The following ERC2 variants were observed in gnomAD, a reference collection of about 807,000 sequenced individuals.
ERC2 encodes the protein ERC protein 2.
Under a neutral mutation model 114.8 loss-of-function variants are expected in ERC2, and 42 were observed. The ratio of observed to expected loss-of-function variants is 0.37; its 90% confidence interval spans 0.29 to 0.47. The LOEUF is 0.47. Among genes scored for constraint, ERC2 ranks in the 20% least tolerant of loss-of-function variants. ERC2 has a pLI of 0.99. For synonymous variants in ERC2, 454 were observed against 425.5 expected (o/e 1.07, Z -0.82); for missense variants, 939 against 1,150.7 (o/e 0.82, Z 2.66).
At chr3:56,191,281 A>C (rs1037457654) in intron 3 of ERC2, among the ~76,000 whole-genome samples, 21 of 152,088 alleles carry the variant, frequency 1.4e-4, no homozygotes, top group African/African-American at 4.8e-4. Flanking sequence ...TCAGTGTTGG[A>C]GCAAGAGGTA....
chr3:56,255,640 C>T (rs1306512719), intron 3 of ERC2, among the ~76,000 whole-genome samples: 2 of 152,212 alleles, frequency 1.3e-5, no homozygotes, highest in Admixed American at 6.5e-5. Context: ...TTTCCTTCTT[C>T]CCTCACCTGG....
intron 2 of ERC2, among the ~76,000 whole-genome samples, chr3:56,400,107 A>G (rs1331004038): frequency 2.0e-5 from 3 of 152,136 alleles, no homozygotes; most frequent in Non-Finnish European, 4.4e-5. Flanking sequence ...AATATTGCTA[A>G]TTTTCCAGGG....
intron 17 of ERC2, among the ~76,000 whole-genome samples, chr3:55,672,384 C>T (rs1158006472): frequency 1.3e-5 from 2 of 151,396 alleles, no homozygotes; most frequent in Admixed American, 6.6e-5. Context: ...ACCATCAGTG[C>T]ACTGAGGAAC....
rs201714845 is a variant in ERC2 at position 56,155,363 on chromosome 3, G to GAA, written c.1150-6233_1150-6232dup. Among the ~76,000 whole-genome samples, 40 of 75,022 alleles carry GAA rather than the reference G, an allele frequency of 5.3e-4. No homozygotes were observed. The East Asian group carries it at 9.2e-3, about 17-fold the overall frequency. 49.2% of individuals were successfully genotyped at this position (75,022 alleles called of 152,430 possible). A position where few individuals can be genotyped will look rare whatever the true frequency, so the allele number is the denominator to read the frequency against. On this transcript the variant is annotated intron_variant, in intron 4 of 17. Coordinates refer to ENST00000288221, the MANE Select transcript of ERC2 (RefSeq NM_015576.3). ...CTCTTATTTTCTGAGTAAGGAAAAT[G>GAA]AAAAAAAAAAAAAAAAGAAAATAAC...
chr3:55,655,050 C>T (rs1266349842), intron 17 of ERC2, among the ~76,000 whole-genome samples: 1 of 152,108 alleles, frequency 6.6e-6, no homozygotes, highest in Non-Finnish European at 1.5e-5. Context: ...GTATTGATGC[C>T]CCTTGGAGCA....
chr3:55,990,342 T>A (rs1225136425), intron 11 of ERC2, among the ~76,000 whole-genome samples: 1 of 152,242 alleles, frequency 6.6e-6, no homozygotes, highest in East Asian at 1.9e-4. Context: ...ATTAATTGAT[T>A]TGGAATTTGA....
At chr3:56,336,160 G>A (rs936375403) in intron 2 of ERC2, among the ~76,000 whole-genome samples, 6 of 152,138 alleles carry the variant, frequency 3.9e-5, no homozygotes, top group African/African-American at 1.4e-4. Flanking sequence ...CAGTGAACCT[G>A]GATTTGAATA....
chr3:55,621,452 T>C (rs1050466078), intron 17 of ERC2, among the ~76,000 whole-genome samples: 1 of 152,182 alleles, frequency 6.6e-6, no homozygotes, highest in Non-Finnish European at 1.5e-5. Flanking sequence ...CTTCTCCTTT[T>C]CCTTTGTGAA....
In ERC2 at chr3:56,170,850, C is replaced by T. The variant is rs990640097; in HGVS notation, c.1149+2596G>A. Among the ~76,000 whole-genome samples, 5 of 149,746 alleles carry T rather than the reference C, an allele frequency of 3.3e-5. No individual in the cohort carries two copies. In the South Asian group the frequency reaches 8.6e-4, roughly 26 times the overall value. ...CACGATCTCGACTCACTGCAAGCTC[C>T]GCCTCCTGGGTTCACCCCATTGTCC... On this transcript the variant is annotated intron_variant, in intron 4 of 17. Coordinates refer to ENST00000288221, the MANE Select transcript of ERC2 (RefSeq NM_015576.3).
chr3:55,612,204 G>C (rs904352889), intron 17 of ERC2, among the ~76,000 whole-genome samples: 1 of 150,536 alleles, frequency 6.6e-6, no homozygotes, highest in Admixed American at 6.6e-5. Context: ...CCTCCTGATC[G>C]AGTCTACACA....
chr3:55,949,226 G>A (rs374281834), intron 13 of ERC2, among the ~76,000 whole-genome samples: 189 of 152,074 alleles, frequency 1.2e-3, no homozygotes, highest in African/African-American at 3.8e-3. Flanking sequence ...AAAAAATAGC[G>A]GGGCATGGTG....
At chr3:56,208,181 G>C (rs1175612122) in intron 3 of ERC2, among the ~76,000 whole-genome samples, 2 of 152,106 alleles carry the variant, frequency 1.3e-5, no homozygotes, top group Non-Finnish European at 2.9e-5. Flanking sequence ...CATAAGCTTG[G>C]GCAGGGTAGA....
chr3:55,545,589 G>A lies in ERC2; in HGVS notation c.*40-34313C>T, dbSNP rs556674571. On this transcript the variant is annotated intron_variant, in intron 17 of 17. Transcript: ENST00000288221. Reference sequence around the variant, plus strand: ...TCAGTGGGACTCTTAGGGGTAATCTGCTTCCATTGGAGACACTCCAAGAAG... The same window carrying A: ...TCAGTGGGACTCTTAGGGGTAATCTACTTCCATTGGAGACACTCCAAGAAG... Among the ~76,000 whole-genome samples the A allele has an allele frequency of 2.6e-5, 4 of 152,330 alleles. No homozygotes were observed. The East Asian group carries it at 5.8e-4, about 22-fold the overall frequency.
At chr3:56,465,420 A>C (rs927274007) in intron 1 of ERC2, among the ~76,000 whole-genome samples, 1 of 152,210 alleles carries the variant, frequency 6.6e-6, no homozygotes, top group Non-Finnish European at 1.5e-5. Context: ...AAAATAAAAT[A>C]AAACAAGACG....
intron 14 of ERC2, among the ~76,000 whole-genome samples, chr3:55,813,751 G>A (rs531510282): frequency 1.3e-5 from 2 of 152,240 alleles, no homozygotes; most frequent in African/African-American, 4.8e-5. Flanking sequence ...AAAATAAAAG[G>A]CTTGCCACAA....
intron 12 of ERC2, among the ~76,000 whole-genome samples, chr3:55,980,414 T>C (rs1426095358): frequency 6.6e-6 from 1 of 152,170 alleles, no homozygotes; most frequent in East Asian, 1.9e-4. Flanking sequence ...CTACACAGTG[T>C]GGAAATTCCA....
At chr3:55,786,073 G>C (rs951613790) in intron 14 of ERC2, among the ~76,000 whole-genome samples, 1 of 151,636 alleles carries the variant, frequency 6.6e-6, no homozygotes, top group East Asian at 1.9e-4. Context: ...TTTTCAATTC[G>C]TCATTTGAAT....
chr3:56,257,309 T>C (rs1482312512), intron 3 of ERC2, among the ~76,000 whole-genome samples: 1 of 152,226 alleles, frequency 6.6e-6, no homozygotes, highest in Non-Finnish European at 1.5e-5. Context: ...GTTTCTGCCC[T>C]AGTAAAGTGG....
At chr3:55,531,277 C>T (rs773641317) in intron 17 of ERC2, among the ~76,000 whole-genome samples, 26 of 152,086 alleles carry the variant, frequency 1.7e-4, no homozygotes, top group Non-Finnish European at 3.7e-4. Flanking sequence ...CATTGGTTAC[C>T]AACACAATTT....
Sources: allele counts gnomAD v4.1 joint callset (sites outside exome capture counted in the v4.1 genomes callset), GRCh38; gene constraint gnomAD v4.1.1; transcripts MANE v1.5; gene names NCBI Gene and HGNC (gene_info 2026-07-23, HGNC 2026-07-21).